CASQ2: variants seen among roughly 807,000 people sequenced by gnomAD.
CASQ2 encodes calsequestrin 2.
CASQ2 carries 49 observed loss-of-function variants against 46.5 expected under a neutral mutation model. The observed-to-expected ratio is 1.05, with a 90% CI of 0.84 to 1.34. CASQ2 has a LOEUF of 1.34. CASQ2 is among the 40% of genes most tolerant of loss of function. The pLI is 0.00. For missense variants in CASQ2, 486 were observed against 481.3 expected, an observed-to-expected ratio of 1.01 and a Z score of -0.09; for synonymous variants, 174 against 168.5, an observed-to-expected ratio of 1.03 and a Z score of -0.25.
intron 1 of CASQ2, among the ~76,000 whole-genome samples, chr1:115,746,196 T>G (rs1648384790): frequency 6.6e-6 from 1 of 152,094 alleles, no homozygotes; most frequent in African/African-American, 2.4e-5. Context: ...ATGTATGGTA[T>G]GAATGTATCA....
intron 1 of CASQ2, among the ~76,000 whole-genome samples, chr1:115,755,101 C>A (rs1648714017): frequency 6.6e-6 from 1 of 152,236 alleles, no homozygotes; most frequent in South Asian, 2.1e-4. Context: ...AAATCACAAT[C>A]TTTTATTGCG....
At chr1:115,719,893 CA>C (rs2101070771) in intron 7 of CASQ2, among the ~76,000 whole-genome samples, 1 of 152,214 alleles carries the variant, frequency 6.6e-6, no homozygotes, top group South Asian at 2.1e-4. Context: ...CTTCCCTCCT[CA>C]ACTAGATGGA....
intron 8 of CASQ2, among the ~76,000 whole-genome samples, chr1:115,717,454 A>G (rs1654740232): frequency 6.6e-6 from 1 of 152,164 alleles, no homozygotes; most frequent in Admixed American, 6.5e-5. Context: ...ACCTTCCATG[A>G]TCCTCTTAAA....
At chr1:115,764,613 A>T (rs1366134573) in intron 1 of CASQ2, among the ~76,000 whole-genome samples, 1 of 151,992 alleles carries the variant, frequency 6.6e-6, no homozygotes, top group Non-Finnish European at 1.5e-5. Context: ...AACCTAGATG[A>T]CTCCCACAGT....
At chr1:115,752,711 C>G (rs1411620970) in intron 1 of CASQ2, among the ~76,000 whole-genome samples, 1 of 152,202 alleles carries the variant, frequency 6.6e-6, no homozygotes, top group Non-Finnish European at 1.5e-5. Flanking sequence ...AAGGACTTAA[C>G]TACTAGGACT....
chr1:115,709,460 A>G (rs1347337720), intron 8 of CASQ2, among the ~76,000 whole-genome samples: 2 of 152,182 alleles, frequency 1.3e-5, no homozygotes, highest in Non-Finnish European at 2.9e-5. Context: ...TATGTTTCAG[A>G]AGTAATATAG....
At chr1:115,758,115 T>C (rs9428086) in intron 1 of CASQ2, among the ~76,000 whole-genome samples, 58,338 of 152,072 alleles carry the variant, frequency 0.38, 12,700 homozygotes, top group Non-Finnish European at 0.5. Flanking sequence ...CATGAAGCAA[T>C]CCCTTTCAGC....
At chr1:115,719,826 A>G (rs1318818230) in intron 7 of CASQ2, among the ~76,000 whole-genome samples, 1 of 152,144 alleles carries the variant, frequency 6.6e-6, no homozygotes, top group African/African-American at 2.4e-5. Flanking sequence ...TTTGCTACCC[A>G]GATCTCTCAT....
chr1:115,732,881 G>C lies in CASQ2; in HGVS notation c.606+20C>G. 6.4e-7 allele frequency: 1 copy of C among 1,572,054 alleles called. No homozygotes were observed. Among genetic ancestry groups the C allele is most frequent in the Non-Finnish European group, 8.8e-7 (1 of 1,141,644 alleles). ...TCATGCCTACAAAACTGTTCAAATT[G>C]GGGTTTCATAGGTACTTACCCCTTT... is the stretch of plus-strand genomic sequence containing the variant. On this transcript the variant is annotated intron_variant, in intron 5 of 10. Coordinates refer to ENST00000261448, the MANE Select transcript of CASQ2 (RefSeq NM_001232.4).
At chr1:115,718,554 G>T (rs4612628) in intron 7 of CASQ2, among the ~76,000 whole-genome samples, 81,727 of 151,840 alleles carry the variant, frequency 0.54, 22,179 homozygotes, top group East Asian at 0.65. Context: ...ACTGCTAGAA[G>T]TGGCCTCTAG....
At chr1:115,752,216 T>A (rs570751678) in intron 1 of CASQ2, among the ~76,000 whole-genome samples, 177 of 152,208 alleles carry the variant, frequency 1.2e-3, no homozygotes, top group Non-Finnish European at 2.1e-3. Context: ...ATCTCAATTT[T>A]TCCCTTTTTA....
chr1:115,706,584 C>CT (rs1340645272), intron 8 of CASQ2, among the ~76,000 whole-genome samples: 1 of 152,216 alleles, frequency 6.6e-6, no homozygotes, highest in African/African-American at 2.4e-5. Flanking sequence ...GTGGTATACA[C>CT]TCAAAATTGA....
intron 1 of CASQ2, among the ~76,000 whole-genome samples, chr1:115,747,942 T>A (rs1489134619): frequency 6.6e-6 from 1 of 152,228 alleles, no homozygotes. Context: ...TATTTCTTTA[T>A]CTTTACTTAC....
intron 7 of CASQ2, among the ~76,000 whole-genome samples, chr1:115,723,759 G>A (rs892941505): frequency 6.6e-6 from 1 of 152,034 alleles, no homozygotes; most frequent in Admixed American, 6.6e-5. Context: ...GGCTGGTCTC[G>A]AACTCCTGAC....
chr1:115,738,408 T>C (rs894240569), intron 3 of CASQ2, 73 bp from the exon 4 acceptor site: 4 of 990,012 alleles, frequency 4.0e-6, no homozygotes, highest in Admixed American at 1.7e-5. Context: ...ACAGAGTGCA[T>C]TGGAGGGAAG....
At chr1:115,762,029 C>A (rs565864657) in intron 1 of CASQ2, among the ~76,000 whole-genome samples, 1 of 152,112 alleles carries the variant, frequency 6.6e-6, no homozygotes, top group Non-Finnish European at 1.5e-5. Context: ...TAAAATGAGA[C>A]CTTCTTAAGC....
At chr1:115,727,368 G>C (rs1464412458) in intron 5 of CASQ2, among the ~76,000 whole-genome samples, 2 of 152,166 alleles carry the variant, frequency 1.3e-5, no homozygotes, top group African/African-American at 4.8e-5. Flanking sequence ...GGTCGGGCAG[G>C]GGCAGGGAGC....
At chr1:115,734,547 C>G (rs1647893282) in intron 4 of CASQ2, among the ~76,000 whole-genome samples, 1 of 152,178 alleles carries the variant, frequency 6.6e-6, no homozygotes, top group South Asian at 2.1e-4. Flanking sequence ...TTCCAAGAAG[C>G]CTCCTCTTGT....
At chr1:115,735,987 C>G (rs769445249) in intron 4 of CASQ2, among the ~76,000 whole-genome samples, 1 of 151,844 alleles carries the variant, frequency 6.6e-6, no homozygotes, top group African/African-American at 2.4e-5. Context: ...CATGGTGAAA[C>G]TCCATCCTTA....
Sources: gnomAD v4.1 joint callset for allele counts (sites outside exome capture counted in the v4.1 genomes callset) on GRCh38, gnomAD v4.1.1 for gene constraint, MANE v1.5 for transcripts, NCBI Gene and HGNC (gene_info 2026-07-23, HGNC 2026-07-21) for gene names.